Variants in NBEA observed in about 807,000 individuals in gnomAD.
NBEA encodes the protein lysosomal-trafficking regulator 2.
In NBEA, 44 loss-of-function variants were observed where a neutral mutation model predicts 343.4. The ratio of observed to expected loss-of-function variants is 0.13; its 90% CI spans 0.10 to 0.16. The LOEUF (loss-of-function observed/expected upper bound fraction) is 0.16, where lower values mean the gene tolerates loss of function less well. NBEA is among the 10% of genes least tolerant of loss of function. The pLI, the probability that NBEA is intolerant of heterozygous loss-of-function variation, is 1.00. For missense variants in NBEA, 2,555 were observed against 3,631.3 expected, an observed-to-expected ratio of 0.70 and a Z score of 7.62; for synonymous variants, 1,175 against 1,238.7, an observed-to-expected ratio of 0.95 and a Z score of 1.08.
chr13:35,278,199 TAGAA>T (rs146455293), intron 34 of NBEA, among the ~76,000 whole-genome samples: 7,860 of 150,662 alleles, frequency 0.052, 224 homozygotes, highest in South Asian at 0.079. Context: ...AAGCATTAAA[TAGAA>T]GGAGAGTTTG....
At chr13:35,243,097 A>G (rs981120233) in intron 34 of NBEA, among the ~76,000 whole-genome samples, 4 of 151,940 alleles carry the variant, frequency 2.6e-5, no homozygotes, top group Admixed American at 2.6e-4. Flanking sequence ...TGGGTAAGCA[A>G]TATATAAAGA....
chr13:35,414,570 C>A (rs2043788841), intron 38 of NBEA, among the ~76,000 whole-genome samples: 1 of 152,044 alleles, frequency 6.6e-6, no homozygotes, highest in Non-Finnish European at 1.5e-5. Context: ...TCATCCTTTT[C>A]TATGGCTGCA....
chr13:35,296,377 T>C (rs1191322817), intron 35 of NBEA, among the ~76,000 whole-genome samples: 1 of 146,558 alleles, frequency 6.8e-6, no homozygotes, highest in Non-Finnish European at 1.5e-5. Flanking sequence ...CGAGACTCAG[T>C]CTCAAAAAAA....
chr13:35,497,557 A>G (rs1224275649), intron 41 of NBEA, among the ~76,000 whole-genome samples: 1 of 152,056 alleles, frequency 6.6e-6, no homozygotes. Context: ...GTTTACCTAC[A>G]AGAGATTAAT....
At chr13:35,461,903 A>T (rs1422778874) in intron 40 of NBEA, among the ~76,000 whole-genome samples, 1 of 152,246 alleles carries the variant, frequency 6.6e-6, no homozygotes, top group Non-Finnish European at 1.5e-5. Flanking sequence ...AGCCCTAAGG[A>T]CAAGTATTTA....
intron 1 of NBEA, among the ~76,000 whole-genome samples, chr13:34,983,186 A>G (rs1392764549): frequency 6.6e-6 from 1 of 151,878 alleles, no homozygotes; most frequent in Non-Finnish European, 1.5e-5. Context: ...CCCACCCCAC[A>G]CCAGGCCCCA....
Position 34,942,846 on chromosome 13 carries a change from G to A in NBEA, c.26G>A (p.Gly9Asp), listed in dbSNP as rs2059070897. 20 of 1,369,912 alleles carry A rather than the reference G, an allele frequency of 1.5e-5. No individual in the cohort carries two copies. Among genetic ancestry groups the A allele is most frequent in the Non-Finnish European group, 1.9e-5 (20 of 1,059,140 alleles). 84.9% of individuals were successfully genotyped at this position (1,369,912 alleles called of 1,614,324 possible). The change falls in exon 1 of 59, where the codon GGC becomes GAC. Residue 9 changes from glycine to aspartate, a missense_variant. Transcript: ENST00000379939. MASEKPGP[G>D]PGLEPQPVGL... The stretch of plus-strand genomic sequence containing the variant: ...ATGGCTAGCGAGAAGCCGGGCCCGG[G>A]CCCGGGGCTCGAGCCTCAGCCCGTG...
chr13:35,169,901 CAT>C (rs1180159918), intron 25 of NBEA, among the ~76,000 whole-genome samples: 1 of 151,682 alleles, frequency 6.6e-6, no homozygotes, highest in Non-Finnish European at 1.5e-5. Flanking sequence ...ATGAATTAAT[CAT>C]TTCTTTATGC....
At chr13:34,980,261 G>A (rs2152506018) in intron 1 of NBEA, among the ~76,000 whole-genome samples, 1 of 151,736 alleles carries the variant, frequency 6.6e-6, no homozygotes, top group South Asian at 2.1e-4. Flanking sequence ...ACAATCCTGG[G>A]TATGTTGAAT....
At chr13:34,979,045 A>T (rs545365781) in intron 1 of NBEA, among the ~76,000 whole-genome samples, 2 of 152,306 alleles carry the variant, frequency 1.3e-5, no homozygotes, top group Non-Finnish European at 2.9e-5. Context: ...AGACCATTTT[A>T]TTAAGTGATT....
chr13:35,308,560 A>G (rs1335394407), intron 35 of NBEA, among the ~76,000 whole-genome samples: 1 of 106,850 alleles, frequency 9.4e-6, no homozygotes, highest in Admixed American at 1.3e-4. Context: ...GTATATATGT[A>G]TATATGTATA....
At chr13:35,050,000 T>C (rs1006294086) in intron 5 of NBEA, among the ~76,000 whole-genome samples, 1 of 151,846 alleles carries the variant, frequency 6.6e-6, no homozygotes, top group African/African-American at 2.4e-5. Context: ...TGGTAGGCTT[T>C]TGTTGGCAAT....
chr13:35,108,264 T>C (rs1275620810), intron 11 of NBEA, among the ~76,000 whole-genome samples: 1 of 152,060 alleles, frequency 6.6e-6, no homozygotes, highest in Non-Finnish European at 1.5e-5. Context: ...TACAAAATAG[T>C]ATCACTAGAT....
intron 38 of NBEA, among the ~76,000 whole-genome samples, chr13:35,367,276 A>G (rs898615621): frequency 4.0e-5 from 6 of 151,370 alleles, no homozygotes; most frequent in African/African-American, 1.4e-4. Flanking sequence ...CAATATTACT[A>G]TGATGTATAA....
intron 30 of NBEA, among the ~76,000 whole-genome samples, chr13:35,191,372 A>G (rs1473476758): frequency 6.6e-6 from 1 of 152,124 alleles, no homozygotes; most frequent in African/African-American, 2.4e-5. Flanking sequence ...CATCAATTAG[A>G]AGATTTTCTT....
chr13:35,236,218 C>T (rs565674714), intron 34 of NBEA, among the ~76,000 whole-genome samples: 17 of 152,148 alleles, frequency 1.1e-4, no homozygotes, highest in Middle Eastern at 3.2e-3. Flanking sequence ...CAACCCAGAA[C>T]TCTGGAAACT....
intron 10 of NBEA, among the ~76,000 whole-genome samples, chr13:35,085,008 A>G (rs1463120554): frequency 1.3e-5 from 2 of 152,210 alleles, no homozygotes; most frequent in African/African-American, 2.4e-5. Flanking sequence ...TCCTCGACAC[A>G]TACACCCTCC....
At chr13:35,083,529 T>G (rs867137458) in intron 10 of NBEA, among the ~76,000 whole-genome samples, 2 of 152,116 alleles carry the variant, frequency 1.3e-5, no homozygotes, top group Middle Eastern at 3.4e-3. Context: ...ATTGAAGGAG[T>G]AATAAAATCC....
chr13:35,625,834 G>T lies in NBEA; in HGVS notation c.7450-2247G>T, dbSNP rs76925827. ...ATATTATTTTGTATCTCTTATACTG[G>T]CCAAAATTAGAAACCTGGATAATAC... On this transcript the variant is annotated intron_variant, in intron 48 of 58. Transcript: ENST00000379939. Among the ~76,000 whole-genome samples, 719 of 152,134 alleles carry T rather than the reference G, an allele frequency of 4.7e-3. 8 individuals carry two copies. Among genetic ancestry groups the T allele is most frequent in the African/African-American group, 0.016 (684 of 41,506 alleles).
Sources: gnomAD v4.1 joint callset for allele counts (sites outside exome capture counted in the v4.1 genomes callset) on GRCh38, gnomAD v4.1.1 for gene constraint, MANE v1.5 for transcripts, NCBI Gene and HGNC (gene_info 2026-07-23, HGNC 2026-07-21) for gene names.